The following APLP2 variants were observed in gnomAD, a reference collection of about 807,000 sequenced individuals.
APLP2 encodes amyloid beta precursor like protein 2.
Under a neutral mutation model 89.9 loss-of-function variants are expected in APLP2, and 53 were observed. That is an observed-to-expected ratio of 0.59 (90% CI 0.47 to 0.74). APLP2 has a LOEUF of 0.74. APLP2 is among the 30% of genes least tolerant of loss of function. The pLI is 0.00. For synonymous variants in APLP2, 372 were observed against 348.6 expected (o/e 1.07, Z -0.75); for missense variants, 973 against 975.9 (o/e 1.00, Z 0.04).
At position 130,126,035 on chromosome 11, in the gene APLP2, C is replaced by T. The variant is rs190592344; in HGVS notation, c.1091-665C>T. Among the ~76,000 whole-genome samples, 4 of 152,284 alleles carry T rather than the reference C, an allele frequency of 2.6e-5. No homozygotes were observed. In the East Asian group the frequency reaches 5.8e-4, roughly 22 times the overall value. ...GGATCAAAAAGCCCTATCTTCATAT[C>T]GGTGAAAGGTGTCCTTGTCAAATAG... is the stretch of plus-strand genomic sequence containing the variant. On this transcript the variant is annotated intron_variant, in intron 7 of 16. Transcript: ENST00000338167.
chr11:130,104,038 C>A (rs536547347), intron 1 of APLP2, among the ~76,000 whole-genome samples: 4 of 151,944 alleles, frequency 2.6e-5, no homozygotes, highest in Non-Finnish European at 5.9e-5. Flanking sequence ...TCTGAACTTT[C>A]GAAGTGGGAA....
chr11:130,077,624 CAAAA>C (rs1223560454), intron 1 of APLP2, among the ~76,000 whole-genome samples: 6 of 144,946 alleles, frequency 4.1e-5, no homozygotes, highest in Non-Finnish European at 9.1e-5. Flanking sequence ...AAAAAAAAAA[CAAAA>C]AACCACTGGA....
intron 1 of APLP2, chr11:130,082,362 T>G (rs1406400055): frequency 6.6e-6 from 1 of 151,094 alleles, no homozygotes; most frequent in Non-Finnish European, 1.5e-5. Context: ...TTTTGTATTT[T>G]TAGTAGAGAC....
chr11:130,124,596 G>A (rs1950178873), intron 7 of APLP2, among the ~76,000 whole-genome samples: 1 of 152,154 alleles, frequency 6.6e-6, no homozygotes, highest in Non-Finnish European at 1.5e-5. Context: ...AGTTTTTCTT[G>A]GTTCCTACTC....
rs1343940530 is a variant in APLP2, at chr11:130,083,599, T to A, written c.105+13517T>A. On this transcript the variant is annotated intron_variant, in intron 1 of 16. Coordinates refer to ENST00000338167, the MANE Select transcript of APLP2 (RefSeq NM_001142276.2). The stretch of plus-strand genomic sequence containing the variant: ...GCAGTACTTGTCTTTTTGTGACTTG[T>A]TTATTTTACTTAGCATAATGTCCTC... Among the ~76,000 whole-genome samples the A allele has an allele frequency of 6.6e-5, 10 of 152,352 alleles. No homozygotes were observed. The East Asian group carries it at 1.9e-3, about 29-fold the overall frequency.
rs1950063720 is a variant in APLP2, at chr11:130,123,604, T to A, written c.923-8T>A. 3 of 1,611,290 alleles carry A rather than the reference T, an allele frequency of 1.9e-6. No homozygotes were observed. In the African/African-American group the frequency reaches 4.0e-5, roughly 22 times the overall value. ...TGTCCTGCTGACACTCTGACCATTT[T>A]CACACAGCTGTCTGCTCCCAGGAGG... On this transcript the variant is annotated splice_region_variant and splice_polypyrimidine_tract_variant and intron_variant, in intron 6 of 16. Transcript: ENST00000338167. This position sits in a 1 kb window ranked among gnomAD's most constrained non-coding sequence, Gnocchi z 4.0.
chr11:130,086,778 C>T (rs1006709308), intron 1 of APLP2, among the ~76,000 whole-genome samples: 1 of 152,186 alleles, frequency 6.6e-6, no homozygotes, highest in African/African-American at 2.4e-5. Flanking sequence ...CATCCCCATT[C>T]AATTGTCCTG....
At chr11:130,091,035 CGGGGGG>C (rs1944982213) in intron 1 of APLP2, among the ~76,000 whole-genome samples, 1 of 118,692 alleles carries the variant, frequency 8.4e-6, no homozygotes, top group African/African-American at 3.9e-5. Context: ...GCTGGCCGGG[CGGGGGG>C]CCGACACCCC....
In APLP2 at chr11:130,122,489, A is replaced by G; in HGVS notation, c.898A>G (p.Lys300Glu). 1 of 1,614,080 alleles carries G rather than the reference A, an allele frequency of 6.2e-7. No homozygotes were observed. Among genetic ancestry groups the G allele is most frequent in the Non-Finnish European group, 8.5e-7 (1 of 1,179,938 alleles). Residue 300 changes from lysine (K) to glutamate (E), a missense_variant, in exon 6 of 17, where the codon AAG (lysine) becomes GAG (glutamate). Physicochemically the swap from Lys to Glu is moderately conservative, Grantham distance 56 (BLOSUM62 1). Transcript: ENST00000338167. Reference protein sequence around the residue: ...EPGSDGTMSDKEITHDVKAVC... With the variant: ...EPGSDGTMSDEEITHDVKAVC... ...CGGCAGCGACGGCACCATGTCAGAC[A>G]AGGAAATTACTCATGATGTCAAAGG...
At chr11:130,088,470 A>G (rs1944441668) in intron 1 of APLP2, among the ~76,000 whole-genome samples, 1 of 152,098 alleles carries the variant, frequency 6.6e-6, no homozygotes, top group Non-Finnish European at 1.5e-5. Flanking sequence ...TCATCTAGGC[A>G]TATAAACTGG....
chr11:130,107,113 T>C (rs1166006289), intron 1 of APLP2, among the ~76,000 whole-genome samples: 1 of 152,236 alleles, frequency 6.6e-6, no homozygotes, highest in African/African-American at 2.4e-5. Context: ...AGGTCATGAC[T>C]TTTTTGCCCA....
In APLP2 at chr11:130,129,199, C is replaced by A; in HGVS notation, c.1448C>A (p.Pro483Gln). Residue 483 changes from proline (P) to glutamine (Q), a missense_variant, in exon 10 of 17, where the codon CCG becomes CAG. Transcript: ENST00000338167. ...TACCTGGCTGCCTTGCAGTCTGACC[C>A]GCCACGGGTGAGTCCTGCCCCTAGC... ...ENYLAALQSD[P>Q]PRPHRILQAL... is the part of the protein sequence containing the mutation. 6.2e-7 allele frequency: 1 copy of A among 1,613,152 alleles called. No homozygotes were observed. Among genetic ancestry groups the A allele is most frequent in the Non-Finnish European group, 8.5e-7 (1 of 1,179,478 alleles).
chr11:130,078,340 CTGCTGT>C (rs1942499995), intron 1 of APLP2, among the ~76,000 whole-genome samples: 1 of 152,078 alleles, frequency 6.6e-6, no homozygotes, highest in Non-Finnish European at 1.5e-5. Context: ...GCAGTTTGTT[CTGCTGT>C]TGATGGACGT....
rs945563658 is a variant in APLP2, at chr11:130,141,051, C to T, written c.1924-447C>T. On this transcript the variant is annotated intron_variant, in intron 14 of 16. Coordinates refer to ENST00000338167, the MANE Select transcript of APLP2 (RefSeq NM_001142276.2). This position sits in a 1 kb window ranked among gnomAD's most constrained non-coding sequence, Gnocchi z 4.2. ...CCTCCCAAGTAGCTGGGACTACAGG[C>T]GTCCGCCACCACGCCTGGCTAATTT... is the stretch of plus-strand genomic sequence containing the variant. The T allele has an allele frequency of 1.9e-5, 3 of 157,760 alleles. No homozygotes were observed. Among genetic ancestry groups the T allele is most frequent in the East Asian group, 1.9e-4 (1 of 5,294 alleles). 9.8% of individuals were successfully genotyped at this position (157,760 alleles called of 1,614,324 possible). A position where few individuals can be genotyped will look rare whatever the true frequency, so the allele number is the denominator to read the frequency against.
At chr11:130,130,377 T>G (rs1402060699) in intron 11 of APLP2, among the ~76,000 whole-genome samples, 1 of 152,270 alleles carries the variant, frequency 6.6e-6, no homozygotes, top group Admixed American at 6.5e-5. Context: ...TTATATTAAC[T>G]GCTTTATACT....
At chr11:130,075,398 C>T (rs1045104833) in intron 1 of APLP2, among the ~76,000 whole-genome samples, 1 of 152,170 alleles carries the variant, frequency 6.6e-6, no homozygotes, top group African/African-American at 2.4e-5. Context: ...AGCTGACTTT[C>T]ATTTGTAATT....
At chr11:130,126,584 C>G (rs536665982) in intron 7 of APLP2, 116 bp from the exon 8 acceptor site, 2 of 1,251,274 alleles carry the variant, frequency 1.6e-6, no homozygotes, top group African/African-American at 1.5e-5. Context: ...GCACCCTGCA[C>G]TTAGAGAATG....
intron 1 of APLP2, among the ~76,000 whole-genome samples, chr11:130,097,572 CTG>C (rs1446399532): frequency 6.6e-6 from 1 of 152,134 alleles, no homozygotes; most frequent in Non-Finnish European, 1.5e-5. Flanking sequence ...TGGTGTGTGA[CTG>C]TAGTCCCTGC....
Position 130,070,028 on chromosome 11 carries a change from TCTG to T in APLP2, c.58_60del (p.Leu20del). ...CCGCAGCCACGGGCAGGCTCCTGCT[TCTG>T]CTGCTGGTGGGGCTCACGGCGCCTG... On this transcript the variant is annotated inframe_deletion, in exon 1 of 17. Coordinates refer to ENST00000338167, the MANE Select transcript of APLP2 (RefSeq NM_001142276.2). 1 of 1,514,252 alleles carries T rather than the reference TCTG, an allele frequency of 6.6e-7. No homozygotes were observed. The highest frequency in any genetic ancestry group is 8.8e-7 in the Non-Finnish European group (1 of 1,138,634). 93.8% of individuals were successfully genotyped at this position (1,514,252 alleles called of 1,614,324 possible). A position where few individuals can be genotyped will look rare whatever the true frequency, so the allele number is the denominator to read the frequency against.
Sources: allele counts gnomAD v4.1 joint callset (sites outside exome capture counted in the v4.1 genomes callset), GRCh38; gene constraint gnomAD v4.1.1; non-coding constraint Gnocchi (gnomAD v3.1); transcripts MANE v1.5; gene names NCBI Gene and HGNC (gene_info 2026-07-23, HGNC 2026-07-21).